LINGO2: variants seen among roughly 807,000 people sequenced by gnomAD.
LINGO2 encodes leucine rich repeat and Ig domain containing 2.
In LINGO2, 14 loss-of-function variants were observed where a neutral mutation model predicts 30.6. The observed-to-expected ratio is 0.46, with a 90% confidence interval of 0.30 to 0.72. LINGO2 has a LOEUF of 0.72. LINGO2 is among the 30% of genes least tolerant of loss of function. The probability of loss-of-function intolerance (pLI) is 0.07; values close to 1 mark genes in which losing one functional copy is unlikely to be tolerated. For missense variants in LINGO2, 729 were observed against 751.7 expected, an observed-to-expected ratio of 0.97 and a Z score of 0.35; for synonymous variants, 317 against 288.5, an observed-to-expected ratio of 1.10 and a Z score of -1.00.
At chr9:28,913,050 G>A in the LINGO2 span, among the ~76,000 whole-genome samples, 5 of 151,982 alleles carry the variant, frequency 3.3e-5, no homozygotes, top group Non-Finnish European at 5.9e-5. Flanking sequence ...ATATTTTGAG[G>A]TATTTCCTCT....
intron 3 of LINGO2, among the ~76,000 whole-genome samples, chr9:28,354,926 G>C (rs73433334): frequency 6.6e-6 from 1 of 152,120 alleles, no homozygotes; most frequent in African/African-American, 2.4e-5. Flanking sequence ...TCAGCTTGCT[G>C]TTGTGCATTG....
the LINGO2 span, among the ~76,000 whole-genome samples, chr9:28,844,405 AAC>A: frequency 1.3e-5 from 2 of 151,770 alleles, no homozygotes; most frequent in Admixed American, 6.6e-5. Flanking sequence ...AAAGGACAGA[AAC>A]AGATGTAATC....
chr9:29,210,904 G>C, the LINGO2 span, among the ~76,000 whole-genome samples: 25 of 152,128 alleles, frequency 1.6e-4, no homozygotes, highest in African/African-American at 6.0e-4. Flanking sequence ...TGGGAGTAAC[G>C]CATGCTACTG....
At chr9:28,980,739 G>A in the LINGO2 span, among the ~76,000 whole-genome samples, 1,120 of 152,052 alleles carry the variant, frequency 7.4e-3, 14 homozygotes, top group African/African-American at 0.026. Flanking sequence ...GAGACCTCTC[G>A]CTCCTTATCC....
chr9:27,948,965 C>T (rs774776628), exon 6 of LINGO2: 9 of 1,614,044 alleles, frequency 5.6e-6, no homozygotes, highest in Non-Finnish European at 7.6e-6. Context: ...GCTTGCCTTT[C>T]CCTCGGCTCC....
chr9:29,067,718 T>C, the LINGO2 span, among the ~76,000 whole-genome samples: 1 of 141,708 alleles, frequency 7.1e-6, no homozygotes, highest in Non-Finnish European at 1.5e-5. Context: ...TCCTACCATA[T>C]AAGATGATGC....
intron 2 of LINGO2, among the ~76,000 whole-genome samples, chr9:28,383,088 T>C (rs1821418216): frequency 6.6e-6 from 1 of 152,050 alleles, no homozygotes; most frequent in African/African-American, 2.4e-5. Flanking sequence ...CCTGAGTCCA[T>C]GTCCCCACTT....
At chr9:29,190,558 A>C in the LINGO2 span, among the ~76,000 whole-genome samples, 1 of 152,180 alleles carries the variant, frequency 6.6e-6, no homozygotes. Context: ...TATGATTAAA[A>C]TAGGTAAGAA....
the LINGO2 span, among the ~76,000 whole-genome samples, chr9:28,987,507 T>G: frequency 2.0e-5 from 3 of 151,036 alleles, no homozygotes; most frequent in African/African-American, 7.4e-5. Flanking sequence ...TTTATTGACC[T>G]TTTGTATTAT....
At chr9:29,035,705 T>A in the LINGO2 span, among the ~76,000 whole-genome samples, 1 of 151,674 alleles carries the variant, frequency 6.6e-6, no homozygotes, top group Non-Finnish European at 1.5e-5. Flanking sequence ...TAAATGATGT[T>A]AAGAAGACAA....
At chr9:28,589,431 C>A (rs945754765) in intron 1 of LINGO2, among the ~76,000 whole-genome samples, 4 of 152,102 alleles carry the variant, frequency 2.6e-5, no homozygotes, top group Admixed American at 6.6e-5. Flanking sequence ...TCTCCTTAAG[C>A]TGATAAGCAA....
At chr9:29,082,388 T>C in the LINGO2 span, among the ~76,000 whole-genome samples, 1 of 152,176 alleles carries the variant, frequency 6.6e-6, no homozygotes, top group East Asian at 1.9e-4. Flanking sequence ...TGTAGAAAGC[T>C]GAAACTGGAT....
chr9:28,786,974 G>A, the LINGO2 span, among the ~76,000 whole-genome samples: 1 of 152,130 alleles, frequency 6.6e-6, no homozygotes, highest in Non-Finnish European at 1.5e-5. Flanking sequence ...TTAACAATGT[G>A]TGCATGACTC....
At chr9:28,644,248 G>A (rs1827732398) in intron 1 of LINGO2, among the ~76,000 whole-genome samples, 1 of 152,068 alleles carries the variant, frequency 6.6e-6, no homozygotes, top group East Asian at 1.9e-4. Flanking sequence ...GCACTCTCAT[G>A]TTTGTTGCAG....
At chr9:28,171,183 A>C (rs1828570990) in intron 4 of LINGO2, among the ~76,000 whole-genome samples, 1 of 152,186 alleles carries the variant, frequency 6.6e-6, no homozygotes, top group Non-Finnish European at 1.5e-5. Flanking sequence ...CTCTACCACA[A>C]TAAATGAAAA....
intron 4 of LINGO2, among the ~76,000 whole-genome samples, chr9:28,233,545 G>T (rs1821449553): frequency 6.6e-6 from 1 of 152,132 alleles, no homozygotes; most frequent in South Asian, 2.1e-4. Context: ...TATCGTTATA[G>T]AATAGTGTTA....
At chr9:29,074,141 T>G in the LINGO2 span, among the ~76,000 whole-genome samples, 2 of 152,148 alleles carry the variant, frequency 1.3e-5, no homozygotes, top group Non-Finnish European at 2.9e-5. Context: ...GCCTTATATT[T>G]TAACAAGGAT....
intron 4 of LINGO2, among the ~76,000 whole-genome samples, chr9:28,251,893 C>T (rs1029339490): frequency 5.9e-5 from 9 of 152,062 alleles, no homozygotes; most frequent in Admixed American, 2.6e-4. Context: ...AATTGTATAC[C>T]TGGAATTGTA....
At chr9:28,860,081 A>G in the LINGO2 span, among the ~76,000 whole-genome samples, 1 of 152,108 alleles carries the variant, frequency 6.6e-6, no homozygotes, top group Non-Finnish European at 1.5e-5. Context: ...TAAATATTTT[A>G]AATTTCACAT....
Sources: allele counts gnomAD v4.1 joint callset (sites outside exome capture counted in the v4.1 genomes callset), GRCh38; gene constraint gnomAD v4.1.1; transcripts MANE v1.5; gene names NCBI Gene and HGNC (gene_info 2026-07-23, HGNC 2026-07-21).